Variants in RBMS3 observed in about 807,000 individuals in gnomAD.
RBMS3 encodes RNA binding motif single stranded interacting protein 3, also known as RNA-binding motif, single-stranded-interacting protein 3.
A neutral mutation model predicts 66.8 loss-of-function variants in RBMS3; 27 were observed. That is an observed-to-expected ratio of 0.40 (90% CI 0.30 to 0.56). RBMS3 has a LOEUF of 0.56. Ranked by LOEUF, RBMS3 falls within the 20% of genes least tolerant of loss-of-function variation. RBMS3 has a pLI of 0.40. For missense variants in RBMS3, 513 were observed against 549.5 expected, an observed-to-expected ratio of 0.93 and a Z score of 0.66; for synonymous variants, 188 against 183.0, an observed-to-expected ratio of 1.03 and a Z score of -0.22.
At position 29,518,742 on chromosome 3, in the gene RBMS3, A is replaced by T. The variant is rs148745455; in HGVS notation, c.307+30243A>T. Among the ~76,000 whole-genome samples, 873 of 152,340 alleles carry T rather than the reference A, an allele frequency of 5.7e-3. 5 individuals are homozygous for T. Among genetic ancestry groups the T allele is most frequent in the Non-Finnish European group, 8.9e-3 (607 of 68,022 alleles). ...TGCAATTTGCTGAAGGCAGAGGTCT[A>T]CTTATACACTGTATGTTAATATGTA... On this transcript the variant is annotated intron_variant, in intron 3 of 14. Transcript: ENST00000383767.
chr3:29,955,232 A>G (rs1340912125), intron 12 of RBMS3, among the ~76,000 whole-genome samples: 1 of 151,928 alleles, frequency 6.6e-6, no homozygotes, highest in Non-Finnish European at 1.5e-5. Flanking sequence ...CATCGAAGTG[A>G]AGGGGTATGT....
At chr3:29,482,701 C>CTTTCTTTCTTTT (rs759435190) in intron 2 of RBMS3, among the ~76,000 whole-genome samples, 20 of 77,518 alleles carry the variant, frequency 2.6e-4, no homozygotes, top group Admixed American at 5.8e-4. Context: ...TTCTTTCTTT[C>CTTTCTTTCTTTT]TTTTTTTTTT....
At chr3:29,932,631 C>G (rs2061158618) in intron 10 of RBMS3, among the ~76,000 whole-genome samples, 1 of 152,178 alleles carries the variant, frequency 6.6e-6, no homozygotes, top group Admixed American at 6.5e-5. Context: ...GGTGCTAAAA[C>G]AGCTATGTGT....
chr3:29,390,646 G>A (rs988488522), intron 1 of RBMS3, among the ~76,000 whole-genome samples: 2 of 152,040 alleles, frequency 1.3e-5, no homozygotes, highest in Non-Finnish European at 2.9e-5. Context: ...GTGTATCTTA[G>A]GTTCTGAGAA....
At chr3:29,980,096 G>T (rs1173946181) in intron 12 of RBMS3, among the ~76,000 whole-genome samples, 3 of 152,176 alleles carry the variant, frequency 2.0e-5, no homozygotes, top group African/African-American at 7.2e-5. Flanking sequence ...TCTAGCATCT[G>T]TTGTTTCATG....
chr3:29,858,255 T>TTATA, intron 6 of RBMS3, among the ~76,000 whole-genome samples: 1 of 152,214 alleles, frequency 6.6e-6, no homozygotes, highest in African/African-American at 2.4e-5. Context: ...AAGATTATAG[T>TTATA]GATATTTTTC....
intron 3 of RBMS3, among the ~76,000 whole-genome samples, chr3:29,581,726 C>T (rs1379529): frequency 0.014 from 2,182 of 152,206 alleles, 49 homozygotes; most frequent in African/African-American, 0.049. Flanking sequence ...GTGTTTCAAG[C>T]GAGATTTTAT....
chr3:29,568,747 C>T (rs1236756517), intron 3 of RBMS3, among the ~76,000 whole-genome samples: 7 of 152,142 alleles, frequency 4.6e-5, no homozygotes, highest in African/African-American at 1.7e-4. Context: ...TCATGGACTG[C>T]CTTGGAAGAC....
intron 4 of RBMS3, among the ~76,000 whole-genome samples, chr3:29,646,604 A>G (rs1306296135): frequency 2.0e-5 from 3 of 149,440 alleles, no homozygotes; most frequent in Non-Finnish European, 4.5e-5. Context: ...TTTCTTAACA[A>G]TTTTTATGTT....
In RBMS3 at chr3:29,548,199, G is replaced by A. The variant is rs371838240; in HGVS notation, c.308-38915G>A. Among the ~76,000 whole-genome samples the A allele has an allele frequency of 7.9e-5, 12 of 152,182 alleles. No homozygotes were observed. In the East Asian group the frequency reaches 1.4e-3, roughly 17 times the overall value. ...CCCAGAGCTTGGGAGGCCAAAGCAGGAAGATTGTTTGAGGGCAGGAGTTTG... is the reference window on the plus strand; with the variant it reads ...CCCAGAGCTTGGGAGGCCAAAGCAGAAAGATTGTTTGAGGGCAGGAGTTTG... On this transcript the variant is annotated intron_variant, in intron 3 of 14. Transcript: ENST00000383767.
intron 6 of RBMS3, among the ~76,000 whole-genome samples, chr3:29,829,688 G>A (rs2058312667): frequency 6.6e-6 from 1 of 152,108 alleles, no homozygotes; most frequent in South Asian, 2.1e-4. Flanking sequence ...TGATGCTGAT[G>A]AAACCTTGAG....
chr3:29,962,551 CAT>C (rs148691765), intron 12 of RBMS3, among the ~76,000 whole-genome samples: 19 of 135,048 alleles, frequency 1.4e-4, no homozygotes, highest in East Asian at 2.2e-4. Flanking sequence ...GGTCAAGACT[CAT>C]ATATATATAT....
chr3:29,849,125 CT>C (rs1487113345), intron 6 of RBMS3, among the ~76,000 whole-genome samples: 1 of 151,550 alleles, frequency 6.6e-6, no homozygotes, highest in Admixed American at 6.6e-5. Flanking sequence ...TTCACACATA[CT>C]TATGCACATA....
intron 4 of RBMS3, among the ~76,000 whole-genome samples, chr3:29,664,639 C>A (rs1224990765): frequency 6.6e-6 from 1 of 151,166 alleles, no homozygotes; most frequent in Non-Finnish European, 1.5e-5. Flanking sequence ...GAGGCAAACA[C>A]CTCTGCCCAA....
At chr3:29,646,704 T>C (rs533514471) in intron 4 of RBMS3, among the ~76,000 whole-genome samples, 27 of 151,976 alleles carry the variant, frequency 1.8e-4, no homozygotes, top group Non-Finnish European at 3.7e-4. Flanking sequence ...CAGTTTTCCC[T>C]TCTCATTTTT....
intron 1 of RBMS3, among the ~76,000 whole-genome samples, chr3:29,350,089 G>A (rs1220517246): frequency 2.6e-5 from 4 of 151,804 alleles, no homozygotes; most frequent in African/African-American, 9.7e-5. Context: ...GAACCTGGGA[G>A]GCGGAGGTTG....
intron 1 of RBMS3, among the ~76,000 whole-genome samples, chr3:29,402,621 C>T (rs2039859858): frequency 6.6e-6 from 1 of 151,988 alleles, no homozygotes; most frequent in Non-Finnish European, 1.5e-5. Flanking sequence ...TTGTTTAAGA[C>T]ATATTCTTGA....
In RBMS3 at chr3:29,378,777, A is replaced by G. The variant is rs1190196281; in HGVS notation, c.76-55966A>G. Among the ~76,000 whole-genome samples, 3 of 151,770 alleles carry G rather than the reference A, an allele frequency of 2.0e-5. No homozygotes were observed. In the East Asian group the frequency reaches 6.1e-4, roughly 31 times the overall value. ...CTTTGCTAAAACAGAATTGTATCGA[A>G]AATCTTAAAACGATTTTTTTCCAGT... is the stretch of plus-strand genomic sequence containing the variant. On this transcript the variant is annotated intron_variant, in intron 1 of 14. Transcript: ENST00000383767.
intron 5 of RBMS3, among the ~76,000 whole-genome samples, chr3:29,759,598 C>T (rs1469708238): frequency 6.6e-6 from 1 of 152,100 alleles, no homozygotes; most frequent in Non-Finnish European, 1.5e-5. Context: ...TCAACTGAAG[C>T]GTGTGCCAGA....
Sources: gnomAD v4.1 joint callset for allele counts (sites outside exome capture counted in the v4.1 genomes callset) on GRCh38, gnomAD v4.1.1 for gene constraint, MANE v1.5 for transcripts, NCBI Gene and HGNC (gene_info 2026-07-23, HGNC 2026-07-21) for gene names.